Variants in NBPF26 observed in about 807,000 individuals in gnomAD.
NBPF26 encodes NBPF family member NBPF26.
In NBPF26, 79 loss-of-function variants were observed where a neutral mutation model predicts 119.6. The observed-to-expected ratio is 0.66, with a 90% confidence interval of 0.55 to 0.80. NBPF26 has a LOEUF of 0.80. Among genes scored for constraint, NBPF26 ranks in the 30% least tolerant of loss-of-function variants. The pLI is 0.00. For synonymous variants in NBPF26, 299 were observed against 457.7 expected (o/e 0.65, Z 4.43); for missense variants, 800 against 1,198.2 (o/e 0.67, Z 4.91).
In NBPF26 at chr1:120,811,469, C is replaced by T. The variant is rs1481615850; in HGVS notation, c.1565-417C>T. Among the ~76,000 whole-genome samples the T allele has an allele frequency of 4.5e-5, 5 of 112,060 alleles. 2 individuals are homozygous for T. Among genetic ancestry groups the T allele is most frequent in the African/African-American group, 2.6e-4 (5 of 19,178 alleles). 73.5% of individuals were successfully genotyped at this position (112,060 alleles called of 152,430 possible). A position where few individuals can be genotyped will look rare whatever the true frequency, so the allele number is the denominator to read the frequency against. The stretch of plus-strand genomic sequence containing the variant: ...CTGAGGGATGAGAATCACTTGAACC[C>T]GGGCGGCAGAGGTGGCAGTGAGCTG... On this transcript the variant is annotated intron_variant, in intron 9 of 29. Coordinates refer to ENST00000620612, the Ensembl canonical transcript of NBPF26.
chr1:120,810,462 A>G, exon 9 of NBPF26: 1 of 1,580,482 alleles, frequency 6.3e-7, no homozygotes, highest in Non-Finnish European at 8.6e-7. Context: ...CAAGAACATC[A>G]AAATCACATT....
intron 1 of NBPF26, among the ~76,000 whole-genome samples, chr1:120,758,709 C>T: frequency 2.0e-5 from 1 of 50,818 alleles, no homozygotes. Flanking sequence ...CAGCCTGCCT[C>T]CCTGGCCTCT....
In NBPF26 at chr1:120,767,622, C is replaced by A; in HGVS notation, c.155+3913C>A. 2.3e-5 allele frequency among the ~76,000 whole-genome samples: 2 copies of A among 87,892 alleles called. 1 individual carries two copies. Among genetic ancestry groups the A allele is most frequent in the Admixed American group, 2.3e-4 (2 of 8,536 alleles). The allele number at this position is 87,892 out of a possible 152,430, so 57.7% of individuals were successfully genotyped here. A position where few individuals can be genotyped will look rare whatever the true frequency, so the allele number is the denominator to read the frequency against. ...TGCTGTTAAATAACTACTGTCAAATCTTAATAAAGCCCTCTCACTACAGGG... is the reference window on the plus strand; with the variant it reads ...TGCTGTTAAATAACTACTGTCAAATATTAATAAAGCCCTCTCACTACAGGG... On this transcript the variant is annotated intron_variant, in intron 2 of 29. Transcript: ENST00000620612.
chr1:120,724,073 G>C, exon 1 of NBPF26: 1 of 1,303,168 alleles, frequency 7.7e-7, no homozygotes, highest in South Asian at 1.5e-5. Flanking sequence ...GCAGGAGGAG[G>C]GGAGGAGAGA....
chr1:120,724,299 C>G, intron 1 of NBPF26, 49 bp downstream of exon 1: 1 of 1,367,128 alleles, frequency 7.3e-7, no homozygotes, highest in South Asian at 1.3e-5. Context: ...GGGCTGCCAC[C>G]TGGGGCGACC....
chr1:120,823,845 T>A, intron 17 of NBPF26, 129 bp from the exon 18 acceptor site: 1 of 562,958 alleles, frequency 1.8e-6, no homozygotes, highest in Non-Finnish European at 3.1e-6. Flanking sequence ...GGCAATAATC[T>A]GTTACCTCAT....
Position 120,724,002 on chromosome 1 carries a change from G to A in NBPF26, c.-176G>A, listed in dbSNP as rs1194401624. The A allele has an allele frequency of 9.0e-6, 11 of 1,219,606 alleles. 2 individuals are homozygous for A. The highest frequency in any genetic ancestry group is 1.1e-5 in the Non-Finnish European group (11 of 973,092). 75.5% of individuals were successfully genotyped at this position (1,219,606 alleles called of 1,614,324 possible). Reference sequence around the variant, plus strand: ...CCGAGGAGCGGCGGACTCGGGGCGCGGGGAGTCGAGGCATTTGCACCTGGG... The same window carrying A: ...CCGAGGAGCGGCGGACTCGGGGCGCAGGGAGTCGAGGCATTTGCACCTGGG... On this transcript the variant is annotated 5_prime_UTR_variant, in exon 1 of 30. Coordinates refer to ENST00000620612, the Ensembl canonical transcript of NBPF26.
intron 1 of NBPF26, among the ~76,000 whole-genome samples, chr1:120,754,760 T>G (rs1651062075): frequency 8.6e-6 from 1 of 116,444 alleles, no homozygotes; most frequent in East Asian, 2.1e-4. Flanking sequence ...GTATCTTCCT[T>G]CAAACAAATG....
chr1:120,823,638 A>G (rs1557991973), intron 17 of NBPF26, among the ~76,000 whole-genome samples: 1 of 125,246 alleles, frequency 8.0e-6, no homozygotes, highest in African/African-American at 3.8e-5. Flanking sequence ...ACGCAAAATT[A>G]TTGAGGACAT....
chr1:120,812,317 A>C (rs1651889522), intron 10 of NBPF26, among the ~76,000 whole-genome samples: 1 of 83,386 alleles, frequency 1.2e-5, no homozygotes, highest in Admixed American at 1.2e-4. Flanking sequence ...ACTAGAGTTA[A>C]ACTGCCATTT....
At chr1:120,804,354 C>A (rs1651625259) in intron 4 of NBPF26, among the ~76,000 whole-genome samples, 1 of 103,884 alleles carries the variant, frequency 9.6e-6, no homozygotes, top group East Asian at 2.3e-4. Flanking sequence ...GATCGCCAAC[C>A]AACCCTGACC....
Position 120,794,220 on chromosome 1 carries a change from G to C in NBPF26, c.751+724G>C, listed in dbSNP as rs1374324372. The stretch of plus-strand genomic sequence containing the variant: ...AGAGTGCACACACAACCCAAAGATA[G>C]AAATAAAAAGAGGAGCAGTGTCGGG... On this transcript the variant is annotated intron_variant, in intron 4 of 29. Coordinates refer to ENST00000620612, the Ensembl canonical transcript of NBPF26. 1.7e-5 allele frequency among the ~76,000 whole-genome samples: 2 copies of C among 115,352 alleles called. 1 individual carries two copies. Among genetic ancestry groups the C allele is most frequent in the East Asian group, 4.2e-4 (2 of 4,708 alleles). The allele number at this position is 115,352 out of a possible 152,430, so 75.7% of individuals were successfully genotyped here.
intron 2 of NBPF26, among the ~76,000 whole-genome samples, chr1:120,776,285 T>C (rs1651306079): frequency 9.1e-6 from 1 of 110,330 alleles, no homozygotes; most frequent in Admixed American, 8.7e-5. Context: ...GGAAATAACA[T>C]TTAAGTTGAG....
intron 5 of NBPF26, among the ~76,000 whole-genome samples, chr1:120,806,719 C>T (rs1320661870): frequency 8.2e-6 from 1 of 121,230 alleles, no homozygotes; most frequent in Admixed American, 8.0e-5. Context: ...AAGATCACAC[C>T]CGAGAATGTG....
rs1553269796 is a variant in NBPF26 at position 120,805,737 on chromosome 1, C to A, written c.933C>A (p.Gly311=). 84 of 1,443,342 alleles carry A rather than the reference C, an allele frequency of 5.8e-5. 16 individuals are homozygous for A. Among genetic ancestry groups the A allele is most frequent in the Admixed American group, 2.4e-4 (13 of 54,312 alleles). 89.4% of individuals were successfully genotyped at this position (1,443,342 alleles called of 1,614,324 possible). ...AATGTTTTCTAACTCAACTGGCCGG[C>A]TTCCTGGCCAACCGACAGAAGAAAT... Residue 311 remains glycine (G), a synonymous_variant, in exon 5 of 30, where the codon GGC becomes GGA. Transcript: ENST00000620612.
rs1487647702 is a variant in NBPF26 at position 120,840,250 on chromosome 1, T to C, written c.4104-100T>C. On this transcript the variant is annotated intron_variant, in intron 29 of 29. Transcript: ENST00000620612. The stretch of plus-strand genomic sequence containing the variant: ...ACCTCATTAATGGATCTATCCTTTT[T>C]CTTTTCTAACCACTTCCTTATGTTA... The C allele has an allele frequency of 4.9e-6, 7 of 1,424,936 alleles. 1 individual carries two copies. The highest frequency in any genetic ancestry group is 6.5e-6 in the Non-Finnish European group (7 of 1,072,712). 88.3% of individuals were successfully genotyped at this position (1,424,936 alleles called of 1,614,324 possible).
At chr1:120,752,527 T>C (rs1651028318) in intron 1 of NBPF26, among the ~76,000 whole-genome samples, 1 of 13,406 alleles carries the variant, frequency 7.5e-5, no homozygotes, top group Admixed American at 9.3e-4. Flanking sequence ...GGAATATATA[T>C]ATATATATAT....
chr1:120,791,032 G>A (rs1651488452), intron 3 of NBPF26, among the ~76,000 whole-genome samples: 3 of 69,368 alleles, frequency 4.3e-5, no homozygotes, highest in South Asian at 7.5e-4. Context: ...AAGAATTGCA[G>A]TTCCTTCATT....
At chr1:120,752,554 ATTT>A (rs1188849971) in intron 1 of NBPF26, among the ~76,000 whole-genome samples, 5 of 3,746 alleles carry the variant, frequency 1.3e-3, no homozygotes, top group African/African-American at 1.7e-3. Flanking sequence ...ATATATATAT[ATTT>A]TTTTTTTTTT....
Sources: allele counts gnomAD v4.1 joint callset (sites outside exome capture counted in the v4.1 genomes callset), GRCh38; gene constraint gnomAD v4.1.1; transcripts MANE v1.5; gene names NCBI Gene and HGNC (gene_info 2026-07-23, HGNC 2026-07-21).